PRMT9: variants seen among roughly 807,000 people sequenced by gnomAD.
PRMT9 encodes the protein protein arginine N-methyltransferase 9.
Under a neutral mutation model 83.2 loss-of-function variants are expected in PRMT9, and 59 were observed. That is an observed-to-expected ratio of 0.71 (90% CI 0.57 to 0.88). The LOEUF is 0.88. Ranked by LOEUF, PRMT9 falls within the 40% of genes least tolerant of loss-of-function variation. The pLI is 0.00. For synonymous variants in PRMT9, 333 were observed against 353.2 expected, an observed-to-expected ratio of 0.94 and a Z score of 0.64; for missense variants, 947 against 1,021.9, an observed-to-expected ratio of 0.93 and a Z score of 1.00.
intron 2 of PRMT9, among the ~76,000 whole-genome samples, chr4:147,674,825 A>C (rs1242322257): frequency 6.6e-6 from 1 of 152,088 alleles, no homozygotes; most frequent in Admixed American, 6.5e-5. Flanking sequence ...CCAAACACTT[A>C]CTCTCAATTT....
rs760796885 is a variant in PRMT9 at position 147,673,690 on chromosome 4, A to G, written c.523T>C (p.Cys175Arg). 6.8e-6 allele frequency: 11 copies of G among 1,614,138 alleles called. No homozygotes were observed. The highest frequency in any genetic ancestry group is 8.5e-6 in the Non-Finnish European group (10 of 1,180,002). Residue 175 changes from cysteine to arginine, a missense_variant, in exon 3 of 12, where the codon TGT (cysteine) becomes CGT (arginine). Transcript: ENST00000322396. ...TCCAAAACACTTTTGGACCCCAAAC[A>G]AACTGCCTTTTGGATTGCTGCATTA... Reference protein sequence around the residue: ...IYNAAIQKAVCLGSKSVLDIG... With the variant: ...IYNAAIQKAVRLGSKSVLDIG...
In PRMT9 at chr4:147,642,955, A is replaced by T; in HGVS notation, c.2046-15T>A. 1 of 1,613,200 alleles carries T rather than the reference A, an allele frequency of 6.2e-7. No individual in the cohort carries two copies. Among genetic ancestry groups the T allele is most frequent in the Non-Finnish European group, 8.5e-7 (1 of 1,179,242 alleles). ...GTAGTAAACACCTAAGAAAAAAAGT[A>T]CATATTTTAAAAAGCTCTTGGGGCA... On this transcript the variant is annotated splice_polypyrimidine_tract_variant and intron_variant, in intron 9 of 11. Coordinates refer to ENST00000322396, the MANE Select transcript of PRMT9 (RefSeq NM_138364.4).
intron 9 of PRMT9, among the ~76,000 whole-genome samples, chr4:147,652,638 C>T (rs1734184616): frequency 6.6e-6 from 1 of 150,644 alleles, no homozygotes; most frequent in Non-Finnish European, 1.5e-5. Flanking sequence ...CTGGGCAGCA[C>T]AGTGAGAACC....
intron 9 of PRMT9, among the ~76,000 whole-genome samples, chr4:147,646,226 A>C (rs1733718248): frequency 6.6e-6 from 1 of 152,212 alleles, no homozygotes; most frequent in Non-Finnish European, 1.5e-5. Flanking sequence ...TTATCTGAAC[A>C]ACTGAAGTTA....
At chr4:147,641,576 A>G (rs1173929711) in intron 10 of PRMT9, among the ~76,000 whole-genome samples, 1 of 152,072 alleles carries the variant, frequency 6.6e-6, no homozygotes, top group Non-Finnish European at 1.5e-5. Context: ...TTACTTGTTC[A>G]TTGTCTCTTC....
intron 5 of PRMT9, among the ~76,000 whole-genome samples, chr4:147,669,098 A>G (rs1025663098): frequency 6.6e-6 from 1 of 151,944 alleles, no homozygotes; most frequent in African/African-American, 2.4e-5. Context: ...AAAAAAAAAA[A>G]GTATTTTTGG....
intron 9 of PRMT9, among the ~76,000 whole-genome samples, chr4:147,645,764 A>G (rs1733686218): frequency 6.6e-6 from 1 of 152,220 alleles, no homozygotes; most frequent in Non-Finnish European, 1.5e-5. Flanking sequence ...ACCGGAAGCC[A>G]TATCCCCAGC....
chr4:147,680,584 C>T (rs763392023), intron 1 of PRMT9, 113 bp from the exon 2 acceptor site: 18 of 804,256 alleles, frequency 2.2e-5, no homozygotes, highest in Non-Finnish European at 3.7e-5. Context: ...TGAACAATCA[C>T]CTTAAACTTC....
Position 147,683,892 on chromosome 4 carries a change from T to G in PRMT9, c.96A>C (p.Ala32=). The G allele has an allele frequency of 6.2e-7, 1 of 1,613,666 alleles. No individual in the cohort carries two copies. The highest frequency in any genetic ancestry group is 8.5e-7 in the Non-Finnish European group (1 of 1,179,980). Residue 32 remains alanine (A), a synonymous_variant, in exon 1 of 12, where the codon GCA becomes GCC. Transcript: ENST00000322396. Reference sequence around the variant, plus strand: ...AGTCCTGGACGCCCAGACAGTGCTCTGCGCTCTGCAAGGACCGCGACACCA... The same window carrying G: ...AGTCCTGGACGCCCAGACAGTGCTCGGCGCTCTGCAAGGACCGCGACACCA... ...DELVSRSLQS[A]EHCLGVQDFG...
chr4:147,646,971 G>A (rs1042602294), intron 9 of PRMT9, among the ~76,000 whole-genome samples: 3 of 152,112 alleles, frequency 2.0e-5, no homozygotes, highest in African/African-American at 4.8e-5. Flanking sequence ...GCTAACTGTG[G>A]GAGAAATTTT....
At chr4:147,667,960 G>A (rs1303371303) in intron 6 of PRMT9, among the ~76,000 whole-genome samples, 1 of 148,596 alleles carries the variant, frequency 6.7e-6, no homozygotes, top group African/African-American at 2.5e-5. Flanking sequence ...AAAAAAAACT[G>A]GCTTTAACCA....
intron 9 of PRMT9, among the ~76,000 whole-genome samples, chr4:147,651,930 G>T (rs1050978945): frequency 6.6e-6 from 1 of 152,102 alleles, no homozygotes; most frequent in Admixed American, 6.5e-5. Flanking sequence ...TCACACTAAT[G>T]AAGTGAAAAA....
Position 147,637,849 on chromosome 4 carries a change from C to A in PRMT9, c.*683G>T, listed in dbSNP as rs1733118518. 1 of 152,320 alleles carries A rather than the reference C, an allele frequency of 6.6e-6. No homozygotes were observed. The highest frequency in any genetic ancestry group is 2.1e-4 in the South Asian group (1 of 4,834). 9.4% of individuals were successfully genotyped at this position (152,320 alleles called of 1,614,324 possible). Reference sequence around the variant, plus strand: ...TGTAAAAATTGGATCAATTAATGTACTTATTGTACATCCAAATCAAAACTT... The same window carrying A: ...TGTAAAAATTGGATCAATTAATGTAATTATTGTACATCCAAATCAAAACTT... On this transcript the variant is annotated 3_prime_UTR_variant, in exon 12 of 12. Transcript: ENST00000322396.
chr4:147,660,486 C>T (rs545642737), intron 7 of PRMT9, among the ~76,000 whole-genome samples: 3 of 152,170 alleles, frequency 2.0e-5, no homozygotes, highest in African/African-American at 7.2e-5. Flanking sequence ...AAAAATTAGC[C>T]GGGCACAGTG....
chr4:147,640,178 T>C (rs920526930), intron 10 of PRMT9, among the ~76,000 whole-genome samples: 1 of 148,668 alleles, frequency 6.7e-6, no homozygotes. Flanking sequence ...GCTCAAGTGA[T>C]CCTCCCACCT....
At chr4:147,666,263 A>AT (rs1735323663) in intron 6 of PRMT9, among the ~76,000 whole-genome samples, 1 of 152,294 alleles carries the variant, frequency 6.6e-6, no homozygotes, top group South Asian at 2.1e-4. Flanking sequence ...TTCACCAGAT[A>AT]GATTTTTTTC....
At chr4:147,659,331 G>A (rs1465580443) in intron 7 of PRMT9, among the ~76,000 whole-genome samples, 1 of 151,604 alleles carries the variant, frequency 6.6e-6, no homozygotes, top group African/African-American at 2.4e-5. Context: ...AACCCGAAAA[G>A]TGGAGGCTGC....
chr4:147,666,641 C>T (rs1375712145), intron 6 of PRMT9, among the ~76,000 whole-genome samples: 1 of 151,960 alleles, frequency 6.6e-6, no homozygotes, highest in Non-Finnish European at 1.5e-5. Flanking sequence ...AGTTTAGTTT[C>T]CTTGGATATT....
intron 6 of PRMT9, among the ~76,000 whole-genome samples, chr4:147,666,370 T>G (rs1735331478): frequency 6.6e-6 from 1 of 152,230 alleles, no homozygotes; most frequent in Non-Finnish European, 1.5e-5. Context: ...ATAGATTTTT[T>G]GGCCCTCAGA....
Sources: gnomAD v4.1 joint callset for allele counts (sites outside exome capture counted in the v4.1 genomes callset) on GRCh38, gnomAD v4.1.1 for gene constraint, MANE v1.5 for transcripts, NCBI Gene and HGNC (gene_info 2026-07-23, HGNC 2026-07-21) for gene names.